The following SCHIP1 variants were observed in gnomAD, a reference collection of about 807,000 sequenced individuals.
SCHIP1 encodes the protein schwannomin interacting protein 1.
SCHIP1 carries 8 observed loss-of-function variants against 29.7 expected under a neutral mutation model. That is an observed-to-expected ratio of 0.27 (90% confidence interval 0.16 to 0.49). The LOEUF is 0.49. Ranked by LOEUF, SCHIP1 falls within the 20% of genes least tolerant of loss-of-function variation. The probability of loss-of-function intolerance (pLI) is 0.99; values close to 1 mark genes in which losing one functional copy is unlikely to be tolerated. For missense variants in SCHIP1, 193 were observed against 294.6 expected (o/e 0.66, Z 2.52); for synonymous variants, 76 against 94.9 (o/e 0.80, Z 1.16).
the SCHIP1 span, among the ~76,000 whole-genome samples, chr3:159,405,144 A>T: frequency 1.3e-5 from 2 of 152,118 alleles, no homozygotes; most frequent in African/African-American, 2.4e-5. Flanking sequence ...AGTGTCTTTG[A>T]ACACCCGAAA....
the SCHIP1 span, among the ~76,000 whole-genome samples, chr3:159,587,541 ACATGTGC>A: frequency 6.6e-6 from 1 of 152,178 alleles, no homozygotes; most frequent in African/African-American, 2.4e-5. Flanking sequence ...ACATATGTAT[ACATGTGC>A]CATGTTGGTG....
At chr3:159,832,316 C>T in the SCHIP1 span, among the ~76,000 whole-genome samples, 1 of 152,140 alleles carries the variant, frequency 6.6e-6, no homozygotes, top group East Asian at 1.9e-4. Flanking sequence ...GAATGCCTGC[C>T]AGACACTCCT....
At chr3:159,424,052 C>CCATCTGTAAATCACCAT in the SCHIP1 span, among the ~76,000 whole-genome samples, 1 of 101,282 alleles carries the variant, frequency 9.9e-6, no homozygotes, top group Non-Finnish European at 2.2e-5. Flanking sequence ...CACCAAAAAC[C>CCATCTGTAAATCACCAT]CATCAAAAAC....
chr3:159,828,835 C>T, the SCHIP1 span, among the ~76,000 whole-genome samples: 2 of 152,156 alleles, frequency 1.3e-5, no homozygotes, highest in Non-Finnish European at 2.9e-5. Flanking sequence ...AAAGGGGAAG[C>T]ATGACCCTTA....
chr3:159,389,043 C>A, the SCHIP1 span, among the ~76,000 whole-genome samples: 2 of 151,826 alleles, frequency 1.3e-5, no homozygotes, highest in South Asian at 4.2e-4. Flanking sequence ...GATATTTTAT[C>A]TAAATAGGGT....
chr3:159,694,580 G>T, the SCHIP1 span, among the ~76,000 whole-genome samples: 1 of 149,394 alleles, frequency 6.7e-6, no homozygotes, highest in Non-Finnish European at 1.5e-5. Context: ...AAGAAAGAAA[G>T]AAAGAAAGAA....
the SCHIP1 span, among the ~76,000 whole-genome samples, chr3:159,656,158 G>A: frequency 6.6e-6 from 1 of 152,162 alleles, no homozygotes; most frequent in Non-Finnish European, 1.5e-5. Flanking sequence ...AAGCAAATTG[G>A]AAGGGGATGG....
At chr3:159,751,283 A>G in the SCHIP1 span, among the ~76,000 whole-genome samples, 1 of 152,232 alleles carries the variant, frequency 6.6e-6, no homozygotes, top group African/African-American at 2.4e-5. Context: ...TTAAAAAAAC[A>G]AAAAAGAATA....
chr3:159,718,944 A>G, the SCHIP1 span, among the ~76,000 whole-genome samples: 21 of 152,218 alleles, frequency 1.4e-4, no homozygotes, highest in Non-Finnish European at 2.8e-4. Context: ...AAGCAAAAAG[A>G]ACAAGGCTGG....
At chr3:159,394,579 G>C in the SCHIP1 span, among the ~76,000 whole-genome samples, 1 of 152,076 alleles carries the variant, frequency 6.6e-6, no homozygotes, top group Non-Finnish European at 1.5e-5. Context: ...TAATCATGTG[G>C]TTTTTGTCTT....
the SCHIP1 span, among the ~76,000 whole-genome samples, chr3:159,336,965 A>C: frequency 0.011 from 1,632 of 152,090 alleles, 16 homozygotes; most frequent in South Asian, 0.031. Flanking sequence ...TTGATTCTTT[A>C]TACCCATGAG....
At chr3:159,528,336 T>C in the SCHIP1 span, among the ~76,000 whole-genome samples, 4 of 152,174 alleles carry the variant, frequency 2.6e-5, no homozygotes, top group Non-Finnish European at 4.4e-5. Flanking sequence ...TCAGTGAAGC[T>C]GTAACAGCCA....
the SCHIP1 span, among the ~76,000 whole-genome samples, chr3:159,813,962 G>A: frequency 6.6e-6 from 1 of 152,158 alleles, no homozygotes; most frequent in Non-Finnish European, 1.5e-5. Context: ...AGAGTTGAGT[G>A]GGAAACACGC....
chr3:159,487,195 A>G, the SCHIP1 span, among the ~76,000 whole-genome samples: 1 of 152,168 alleles, frequency 6.6e-6, no homozygotes, highest in African/African-American at 2.4e-5. Flanking sequence ...TGTGCAATTG[A>G]GAGAAGTAGT....
chr3:159,357,528 C>A, the SCHIP1 span, among the ~76,000 whole-genome samples: 1 of 152,116 alleles, frequency 6.6e-6, no homozygotes, highest in Non-Finnish European at 1.5e-5. Flanking sequence ...TAGATTGTTT[C>A]AGAGGAAAAA....
At chr3:159,352,770 CTT>C in the SCHIP1 span, among the ~76,000 whole-genome samples, 1 of 147,906 alleles carries the variant, frequency 6.8e-6, no homozygotes, top group Admixed American at 6.8e-5. Context: ...ATTTTAATAG[CTT>C]TTTTTTTTTT....
In SCHIP1 at chr3:159,882,954, T is replaced by C. The variant is rs371442294; in HGVS notation, c.150-3253T>C. ...ACACTGAGATGTCCAGAAGACATAC[T>C]TAGTCTTTATCTCTCCATGTTTCCG... On this transcript the variant is annotated intron_variant, in intron 2 of 6. Transcript: ENST00000445224. 2.3e-4 allele frequency among the ~76,000 whole-genome samples: 35 copies of C among 152,340 alleles called. 1 individual carries two copies. In the East Asian group the frequency reaches 6.2e-3, roughly 27 times the overall value.
chr3:159,687,371 C>T, the SCHIP1 span, among the ~76,000 whole-genome samples: 35 of 152,084 alleles, frequency 2.3e-4, no homozygotes, highest in Non-Finnish European at 4.1e-4. Context: ...AGTCTGTCCC[C>T]TCTCTGAATG....
chr3:159,341,148 C>T, the SCHIP1 span, among the ~76,000 whole-genome samples: 1 of 151,876 alleles, frequency 6.6e-6, no homozygotes, highest in South Asian at 2.1e-4. Flanking sequence ...TTTGCTATCT[C>T]ACCCTCCCCT....
Sources: gnomAD v4.1 joint callset for allele counts (sites outside exome capture counted in the v4.1 genomes callset) on GRCh38, gnomAD v4.1.1 for gene constraint, MANE v1.5 for transcripts, NCBI Gene and HGNC (gene_info 2026-07-23, HGNC 2026-07-21) for gene names.